Variants in MAPKAP1 observed in about 807,000 individuals in gnomAD.
MAPKAP1 encodes MAPK associated protein 1.
In MAPKAP1, 20 loss-of-function variants were observed where a neutral mutation model predicts 65.7. The ratio of observed to expected loss-of-function variants is 0.30; its 90% confidence interval spans 0.21 to 0.44. MAPKAP1 has a LOEUF of 0.44. Ranked by LOEUF, MAPKAP1 falls within the 20% of genes least tolerant of loss-of-function variation. The pLI, the probability that MAPKAP1 is intolerant of heterozygous loss-of-function variation, is 1.00. For synonymous variants in MAPKAP1, 222 were observed against 244.3 expected (o/e 0.91, Z 0.85); for missense variants, 423 against 648.0 (o/e 0.65, Z 3.77).
At position 125,519,649 on chromosome 9, in the gene MAPKAP1, C is replaced by G. The variant is rs191832381; in HGVS notation, c.959-13232G>C. On this transcript the variant is annotated intron_variant, in intron 7 of 11. Coordinates refer to ENST00000265960, the MANE Select transcript of MAPKAP1 (RefSeq NM_001006617.3). ...GTCTAATATATATACATATATATGT[C>G]TTTTATATATATATATATATATAAT... is the stretch of plus-strand genomic sequence containing the variant. 2.5e-3 allele frequency among the ~76,000 whole-genome samples: 277 copies of G among 113,046 alleles called. 1 individual carries two copies. The highest frequency in any genetic ancestry group is 7.2e-3 in the African/African-American group (251 of 34,794). 74.2% of individuals were successfully genotyped at this position (113,046 alleles called of 152,430 possible).
chr9:125,684,503 C>G (rs1021772343), intron 1 of MAPKAP1, among the ~76,000 whole-genome samples: 1 of 152,100 alleles, frequency 6.6e-6, no homozygotes, highest in African/African-American at 2.4e-5. Flanking sequence ...TTTTCAACTC[C>G]CTCGAAACTG....
chr9:125,678,595 T>C (rs1431385940), intron 1 of MAPKAP1, among the ~76,000 whole-genome samples: 4 of 152,120 alleles, frequency 2.6e-5, no homozygotes, highest in Non-Finnish European at 4.4e-5. Flanking sequence ...AATGAATAAA[T>C]ATTCAACAAA....
chr9:125,650,516 TACTC>T (rs952687085), intron 4 of MAPKAP1: 4 of 152,254 alleles, frequency 2.6e-5, no homozygotes, highest in Non-Finnish European at 4.4e-5. Context: ...AGCTAGTTCT[TACTC>T]ACCCTTTAGC....
intron 1 of MAPKAP1, among the ~76,000 whole-genome samples, chr9:125,676,724 T>C (rs1181275173): frequency 6.6e-6 from 1 of 152,238 alleles, no homozygotes; most frequent in Non-Finnish European, 1.5e-5. Context: ...ATGTATGTAA[T>C]GCCAATGAAC....
rs150595164 is a variant in MAPKAP1 at position 125,562,762 on chromosome 9, A to G, written c.672-2953T>C. ...CTGAAACTTCACATCAACTTTGTAA[A>G]TGAATCATTTATATTTCTATTTTAC... On this transcript the variant is annotated intron_variant, in intron 5 of 11. Transcript: ENST00000265960. Among the ~76,000 whole-genome samples, 929 of 152,350 alleles carry G rather than the reference A, an allele frequency of 6.1e-3. 11 individuals are homozygous for G. Among genetic ancestry groups the G allele is most frequent in the African/African-American group, 0.021 (863 of 41,578 alleles).
At chr9:125,571,285 A>C (rs890526457) in intron 5 of MAPKAP1, among the ~76,000 whole-genome samples, 1 of 152,218 alleles carries the variant, frequency 6.6e-6, no homozygotes, top group Non-Finnish European at 1.5e-5. Context: ...TTGTGGCTTT[A>C]ATAGTGGCTG....
In MAPKAP1 at chr9:125,673,777, AATT is replaced by A. The variant is rs199900628; in HGVS notation, c.-69-1137_-69-1135del. ...CTCTACAAAAATATATATATATAAT[AATT>A]ATTATTTTTTAATTAGCTGAGCATG... On this transcript the variant is annotated intron_variant, in intron 1 of 11. Coordinates refer to ENST00000265960, the MANE Select transcript of MAPKAP1 (RefSeq NM_001006617.3). Among the ~76,000 whole-genome samples the A allele has an allele frequency of 4.9e-3, 744 of 151,570 alleles. 5 individuals carry two copies. Among genetic ancestry groups the A allele is most frequent in the Admixed American group, 7.1e-3 (108 of 15,208 alleles).
chr9:125,532,662 G>A (rs962825540), intron 7 of MAPKAP1, among the ~76,000 whole-genome samples: 22 of 152,284 alleles, frequency 1.4e-4, no homozygotes, highest in African/African-American at 5.3e-4. Flanking sequence ...CACATGGCAA[G>A]GAATGATGCA....
chr9:125,461,110 A>G (rs1276919061), intron 10 of MAPKAP1, among the ~76,000 whole-genome samples: 2 of 152,236 alleles, frequency 1.3e-5, no homozygotes, highest in African/African-American at 4.8e-5. Context: ...TGCCTGTTTA[A>G]CAGCAGATTG....
At chr9:125,547,349 G>C (rs1438802713) in intron 6 of MAPKAP1, among the ~76,000 whole-genome samples, 1 of 152,162 alleles carries the variant, frequency 6.6e-6, no homozygotes, top group African/African-American at 2.4e-5. Flanking sequence ...TACTGGAGAG[G>C]AAAGGGCATA....
chr9:125,669,898 A>C lies in MAPKAP1; in HGVS notation c.269T>G (p.Leu90Ter). The C allele has an allele frequency of 6.3e-7, 1 of 1,581,776 alleles. No homozygotes were observed. The highest frequency in any genetic ancestry group is 1.8e-5 in the Admixed American group (1 of 56,724). Residue 90 changes from leucine to a stop codon, truncating the protein, a stop_gained, in exon 3 of 12, where the codon TTA becomes TGA. Coordinates refer to ENST00000265960, the MANE Select transcript of MAPKAP1 (RefSeq NM_001006617.3). LOFTEE classifies it high-confidence loss of function. ...TTGTCTCTCTTTTCGGAGTCGTTCT[A>C]ATCTTTGAGCTTGAAAAGAAATATT... ...IRRRSNTAQRLERLRKERQNQ... is the reference protein window; with the variant it reads ...IRRRSNTAQR
intron 4 of MAPKAP1, among the ~76,000 whole-genome samples, chr9:125,636,996 C>T (rs772331933): frequency 1.3e-5 from 2 of 152,230 alleles, no homozygotes; most frequent in Non-Finnish European, 2.9e-5. Context: ...TGGCCAGGCA[C>T]GGTGGCTCAC....
At chr9:125,689,139 A>C (rs1045654856) in intron 1 of MAPKAP1, among the ~76,000 whole-genome samples, 7 of 152,046 alleles carry the variant, frequency 4.6e-5, no homozygotes, top group African/African-American at 1.7e-4. Context: ...ACAAATGGCC[A>C]CAATAAAGAA....
intron 11 of MAPKAP1, among the ~76,000 whole-genome samples, chr9:125,443,880 C>T (rs1852596842): frequency 6.6e-6 from 1 of 152,148 alleles, no homozygotes; most frequent in South Asian, 2.1e-4. Flanking sequence ...TACTGTGACA[C>T]ACCCACACCT....
At chr9:125,495,252 C>T (rs1031123497) in intron 8 of MAPKAP1, among the ~76,000 whole-genome samples, 21 of 152,174 alleles carry the variant, frequency 1.4e-4, no homozygotes, top group East Asian at 5.8e-4. Context: ...AGGATGAGGG[C>T]ATATCCGCTG....
intron 4 of MAPKAP1, among the ~76,000 whole-genome samples, chr9:125,593,969 A>G (rs1669259438): frequency 6.6e-6 from 1 of 152,074 alleles, no homozygotes; most frequent in Non-Finnish European, 1.5e-5. Context: ...TCTATACTCT[A>G]TCTCAACTAA....
Position 125,543,074 on chromosome 9 carries a change from A to G in MAPKAP1, c.943T>C (p.Ser315Pro), listed in dbSNP as rs778508696. 6.2e-7 allele frequency: 1 copy of G among 1,611,980 alleles called. No homozygotes were observed. Among genetic ancestry groups the G allele is most frequent in the South Asian group, 1.1e-5 (1 of 91,030 alleles). The change falls in exon 7 of 12, where the codon TCC becomes CCC. Residue 315 changes from serine to proline, a missense_variant. Coordinates refer to ENST00000265960, the MANE Select transcript of MAPKAP1 (RefSeq NM_001006617.3). ...ACTATCCCACCTGAAACTTTCTGGG[A>G]TCCTTTTCTTCGCTTCACTGCCTTC... Reference protein sequence around the residue: ...LLKAVKRRKGSQKVSGPQYRL... With the variant: ...LLKAVKRRKGPQKVSGPQYRL...
At chr9:125,577,816 C>A (rs1831487714) in intron 5 of MAPKAP1, among the ~76,000 whole-genome samples, 1 of 149,458 alleles carries the variant, frequency 6.7e-6, no homozygotes, top group Non-Finnish European at 1.5e-5. Flanking sequence ...GATGGGGGGT[C>A]AGCCCCCGGC....
At chr9:125,488,206 A>AG in intron 8 of MAPKAP1, among the ~76,000 whole-genome samples, 1 of 152,232 alleles carries the variant, frequency 6.6e-6, no homozygotes, top group East Asian at 1.9e-4. Flanking sequence ...CCAACTGACA[A>AG]GGGGCATGTC....
Sources: allele counts gnomAD v4.1 joint callset (sites outside exome capture counted in the v4.1 genomes callset), GRCh38; gene constraint gnomAD v4.1.1; transcripts MANE v1.5; gene names NCBI Gene and HGNC (gene_info 2026-07-23, HGNC 2026-07-21).